MTARC1: variants seen among roughly 807,000 people sequenced by gnomAD.
MTARC1 encodes mitochondrial amidoxime reducing component 1.
In MTARC1, 24 loss-of-function variants were observed where a neutral mutation model predicts 33.6. The observed-to-expected ratio is 0.72, with a 90% CI of 0.52 to 1.01. The LOEUF (loss-of-function observed/expected upper bound fraction) is 1.01, where lower values mean the gene tolerates loss of function less well. MTARC1 is among the 50% of genes least tolerant of loss of function. The pLI is 0.00. For missense variants in MTARC1, 417 were observed against 445.7 expected (o/e 0.94, Z 0.58); for synonymous variants, 187 against 189.5 (o/e 0.99, Z 0.11).
chr1:220,788,953 T>G (rs1672332271), intron 1 of MTARC1, among the ~76,000 whole-genome samples: 1 of 152,128 alleles, frequency 6.6e-6, no homozygotes, highest in Admixed American at 6.6e-5. Flanking sequence ...GAGCTGGCCT[T>G]TGTACCAGAC....
Position 220,813,275 on chromosome 1 carries a change from A to G in MTARC1, c.888-17A>G. ...ATCCGCTTGGCTGTGACTCATCATG[A>G]TCTTTTCCTATTGCAGTTATCGCCA... On this transcript the variant is annotated splice_polypyrimidine_tract_variant and intron_variant, in intron 6 of 6. Coordinates refer to ENST00000366910, the MANE Select transcript of MTARC1 (RefSeq NM_022746.4). 3 of 1,613,922 alleles carry G rather than the reference A, an allele frequency of 1.9e-6. No individual in the cohort carries two copies. Among genetic ancestry groups the G allele is most frequent in the Non-Finnish European group, 2.5e-6 (3 of 1,179,948 alleles).
chr1:220,812,728 A>T (rs1673173220), intron 6 of MTARC1, among the ~76,000 whole-genome samples: 3 of 147,458 alleles, frequency 2.0e-5, no homozygotes, highest in African/African-American at 7.5e-5. Flanking sequence ...TGAGTATCTA[A>T]TTTTTTTTTT....
At chr1:220,794,422 C>T (rs927856216) in intron 2 of MTARC1, 61 of 151,984 alleles carry the variant, frequency 4.0e-4, no homozygotes, top group African/African-American at 1.3e-3. Context: ...CACACACACA[C>T]ACACAGATGC....
At chr1:220,792,275 A>G (rs1672449373) in intron 2 of MTARC1, among the ~76,000 whole-genome samples, 1 of 152,200 alleles carries the variant, frequency 6.6e-6, no homozygotes, top group Non-Finnish European at 1.5e-5. Flanking sequence ...TTCCCTCAAC[A>G]TCAGAAGGGC....
chr1:220,792,769 C>A (rs1672468760), intron 2 of MTARC1, among the ~76,000 whole-genome samples: 1 of 151,842 alleles, frequency 6.6e-6, no homozygotes, highest in South Asian at 2.1e-4. Context: ...ACAAAAAATC[C>A]TTTAATATTG....
chr1:220,799,812 C>T (rs1040341944), intron 4 of MTARC1, among the ~76,000 whole-genome samples: 3 of 152,214 alleles, frequency 2.0e-5, no homozygotes, highest in African/African-American at 7.2e-5. Flanking sequence ...CAAGCCTGGA[C>T]AGGTCACCAA....
At position 220,813,589 on chromosome 1, in the gene MTARC1, T is replaced by C; in HGVS notation, c.*171T>C. ...GTGTCTCAATGCTTCAATGTCCCAG[T>C]GCAAAAAGTAAAGAAATATAGTCTC... On this transcript the variant is annotated 3_prime_UTR_variant, in exon 7 of 7. Transcript: ENST00000366910. 1.3e-6 allele frequency: 1 copy of C among 776,042 alleles called. No individual in the cohort carries two copies. Among genetic ancestry groups the C allele is most frequent in the South Asian group, 1.9e-5 (1 of 52,070 alleles). The allele number at this position is 776,042 out of a possible 1,614,324, so 48.1% of individuals were successfully genotyped here.
Position 220,787,006 on chromosome 1 carries a change from G to T in MTARC1, c.62G>T (p.Gly21Val). 1 of 1,301,000 alleles carries T rather than the reference G, an allele frequency of 7.7e-7. No individual in the cohort carries two copies. The highest frequency in any genetic ancestry group is 2.7e-5 in the South Asian group (1 of 37,388). The allele number at this position is 1,301,000 out of a possible 1,614,324, so 80.6% of individuals were successfully genotyped here. Reference sequence around the variant, plus strand: ...GTCCTCCTCGCGCAATCCCGGCCCGGGTGGCTCGGGGTTGCCGCGCTGGGC... The same window carrying T: ...GTCCTCCTCGCGCAATCCCGGCCCGTGTGGCTCGGGGTTGCCGCGCTGGGC... ...RFVLLAQSRP[G>V]WLGVAALGLT... The change falls in exon 1 of 7, where the codon GGG becomes GTG. Residue 21 changes from glycine to valine, a missense_variant. Physicochemically the swap from Gly to Val is moderately radical, Grantham distance 109. Coordinates refer to ENST00000366910, the MANE Select transcript of MTARC1 (RefSeq NM_022746.4).
chr1:220,787,371 G>A, intron 1 of MTARC1, 152 bp downstream of exon 1: 3 of 1,326,054 alleles, frequency 2.3e-6, no homozygotes, highest in Non-Finnish European at 2.9e-6. Flanking sequence ...AGGCCAAAGA[G>A]AAAAAGGAAC....
intron 1 of MTARC1, among the ~76,000 whole-genome samples, chr1:220,787,497 T>C (rs990551591): frequency 1.3e-5 from 2 of 152,154 alleles, no homozygotes; most frequent in Non-Finnish European, 2.9e-5. Context: ...GTGCTCCTGC[T>C]GAGGTGTGGT....
At position 220,789,602 on chromosome 1, in the gene MTARC1, C is replaced by T. The variant is rs555949655; in HGVS notation, c.276-1889C>T. Among the ~76,000 whole-genome samples, 9 of 152,254 alleles carry T rather than the reference C, an allele frequency of 5.9e-5. No individual in the cohort carries two copies. The South Asian group carries it at 1.7e-3, about 28-fold the overall frequency. On this transcript the variant is annotated intron_variant, in intron 1 of 6. Transcript: ENST00000366910. The stretch of plus-strand genomic sequence containing the variant: ...TAAATAGGATGAATGTTCTTTGCAG[C>T]ATTGAGTGTTGAATGTTCATTATGA...
chr1:220,811,862 A>C (rs1004416902), intron 6 of MTARC1, among the ~76,000 whole-genome samples: 1 of 152,202 alleles, frequency 6.6e-6, no homozygotes, highest in Non-Finnish European at 1.5e-5. Context: ...CCAGCAAACA[A>C]TGGTGGGTCA....
Position 220,805,287 on chromosome 1 carries a change from A to G in MTARC1, c.887+13A>G. On this transcript the variant is annotated intron_variant, in intron 6 of 6. Transcript: ENST00000366910. ...AAACACTGAAGAGGTAGGACTGGGC[A>G]GACGGGGCTCATCCTCGGGTTTAGG... 1.2e-6 allele frequency: 2 copies of G among 1,612,522 alleles called. No homozygotes were observed. The highest frequency in any genetic ancestry group is 1.7e-6 in the Non-Finnish European group (2 of 1,179,998).
Position 220,797,929 on chromosome 1 carries a change from A to G in MTARC1, c.668A>G (p.Asp223Gly), listed in dbSNP as rs1353881344. 3.7e-6 allele frequency: 6 copies of G among 1,614,114 alleles called. No homozygotes were observed. Among genetic ancestry groups the G allele is most frequent in the Non-Finnish European group, 5.1e-6 (6 of 1,180,052 alleles). ...FLILSEASLA[D>G]LNSRLEKKVK... ...ATCCTTTCTGAGGCGTCGCTGGCGG[A>G]TCTCAACTCCAGGCTAGAGAAGAAA... Residue 223 changes from aspartate (D) to glycine (G), a missense_variant, in exon 4 of 7, where the codon GAT (aspartate) becomes GGT (glycine). Coordinates refer to ENST00000366910, the MANE Select transcript of MTARC1 (RefSeq NM_022746.4).
At position 220,819,115 on chromosome 1, in the gene MTARC1, G is replaced by A. The variant is rs1228900083; in HGVS notation, c.*5697G>A. The A allele has an allele frequency of 6.6e-6, 1 of 152,128 alleles. No homozygotes were observed. Among genetic ancestry groups the A allele is most frequent in the Non-Finnish European group, 1.5e-5 (1 of 68,026 alleles). 9.4% of individuals were successfully genotyped at this position (152,128 alleles called of 1,614,324 possible). A position where few individuals can be genotyped will look rare whatever the true frequency, so the allele number is the denominator to read the frequency against. On this transcript the variant is annotated 3_prime_UTR_variant, in exon 7 of 7. Coordinates refer to ENST00000366910, the MANE Select transcript of MTARC1 (RefSeq NM_022746.4). ...GAGTTGCCAAGACCAAGGCTGTAAT[G>A]GTTTGTTATGATGACCTTTGTTATT...
chr1:220,808,357 C>A (rs1406185664), intron 6 of MTARC1, among the ~76,000 whole-genome samples: 2 of 152,218 alleles, frequency 1.3e-5, no homozygotes, highest in Admixed American at 1.3e-4. Context: ...AACAATCTGG[C>A]CCTAATTGCT....
chr1:220,796,180 G>A (rs1205639336), intron 2 of MTARC1, among the ~76,000 whole-genome samples: 5 of 151,832 alleles, frequency 3.3e-5, no homozygotes, highest in African/African-American at 1.2e-4. Context: ...TAATGTTTTA[G>A]GCTTTATAGA....
chr1:220,791,780 T>C, intron 2 of MTARC1, 116 bp downstream of exon 2: 1 of 1,143,458 alleles, frequency 8.7e-7, no homozygotes, highest in Non-Finnish European at 1.2e-6. Flanking sequence ...GTTGATTGCA[T>C]GTGTACCATA....
intron 4 of MTARC1, among the ~76,000 whole-genome samples, chr1:220,804,169 C>T (rs1455843932): frequency 6.6e-6 from 1 of 152,082 alleles, no homozygotes. Flanking sequence ...CCTGGAGTCC[C>T]CTTACCCTTC....
Sources: allele counts gnomAD v4.1 joint callset (sites outside exome capture counted in the v4.1 genomes callset), GRCh38; gene constraint gnomAD v4.1.1; transcripts MANE v1.5; gene names NCBI Gene and HGNC (gene_info 2026-07-23, HGNC 2026-07-21).